Variants in GRIN2B observed in about 807,000 individuals in gnomAD.
GRIN2B encodes the protein glutamate ionotropic receptor NMDA type subunit 2B, also known as glutamate receptor ionotropic, NMDA 2B.
Under a neutral mutation model 114.5 loss-of-function variants are expected in GRIN2B, and 5 were observed. That is an observed-to-expected ratio of 0.04 (90% CI 0.02 to 0.09). The LOEUF (loss-of-function observed/expected upper bound fraction) is 0.09. GRIN2B is among the 10% of genes least tolerant of loss of function. The pLI is 1.00. For missense variants in GRIN2B, 1,108 were observed against 1,943.5 expected, an observed-to-expected ratio of 0.57 and a Z score of 8.08; for synonymous variants, 787 against 745.1, an observed-to-expected ratio of 1.06 and a Z score of -0.92.
At chr12:13,624,046 G>A (rs1949545032) in intron 5 of GRIN2B, among the ~76,000 whole-genome samples, 1 of 152,068 alleles carries the variant, frequency 6.6e-6, no homozygotes, top group Non-Finnish European at 1.5e-5. Context: ...CCTCTCCACT[G>A]CCATGATACT....
chr12:13,906,966 G>A (rs148202730), intron 2 of GRIN2B, among the ~76,000 whole-genome samples: 1 of 152,254 alleles, frequency 6.6e-6, no homozygotes, highest in East Asian at 1.9e-4. Context: ...TTAGCCATTA[G>A]TTAAAACTAT....
At chr12:13,640,117 G>T (rs990590256) in intron 5 of GRIN2B, among the ~76,000 whole-genome samples, 6 of 152,138 alleles carry the variant, frequency 3.9e-5, no homozygotes, top group African/African-American at 1.4e-4. Context: ...CAGGCATGGT[G>T]GTACATGATT....
chr12:13,637,688 C>A (rs1949678326), intron 5 of GRIN2B, among the ~76,000 whole-genome samples: 1 of 152,120 alleles, frequency 6.6e-6, no homozygotes. Flanking sequence ...TAATAGTAAG[C>A]AGGACCCTGA....
intron 4 of GRIN2B, among the ~76,000 whole-genome samples, chr12:13,751,820 G>C (rs1379126213): frequency 6.6e-6 from 1 of 152,144 alleles, no homozygotes; most frequent in Non-Finnish European, 1.5e-5. Flanking sequence ...CCTTGGGAAT[G>C]GATGAGAAAG....
chr12:13,646,131 A>G lies in GRIN2B; in HGVS notation c.1126-29474T>C, dbSNP rs549591446. 2.0e-5 allele frequency among the ~76,000 whole-genome samples: 3 copies of G among 152,270 alleles called. No homozygotes were observed. In the South Asian group the frequency reaches 6.2e-4, roughly 32 times the overall value. On this transcript the variant is annotated intron_variant, in intron 5 of 13. Transcript: ENST00000609686. ...CGAAGAGCTGGATACAGCGGCAGAT[A>G]TGAGAGGTAGTGATAGGAAGTTTCT... is the stretch of plus-strand genomic sequence containing the variant.
chr12:13,571,625 T>C (rs565730017), intron 11 of GRIN2B, among the ~76,000 whole-genome samples, 179 bp downstream of exon 11: 2 of 152,348 alleles, frequency 1.3e-5, no homozygotes, highest in South Asian at 4.1e-4. Context: ...ATAGGAATCG[T>C]TGTACACTGG....
At chr12:13,789,038 C>T (rs147594657) in intron 3 of GRIN2B, among the ~76,000 whole-genome samples, 23 of 151,980 alleles carry the variant, frequency 1.5e-4, no homozygotes, top group African/African-American at 2.2e-4. Context: ...ACCTCTGGAG[C>T]TTCTTGCCAA....
chr12:13,926,299 A>T (rs769105923), intron 2 of GRIN2B, among the ~76,000 whole-genome samples: 1 of 152,198 alleles, frequency 6.6e-6, no homozygotes, highest in Non-Finnish European at 1.5e-5. Context: ...CCCGTTCGTC[A>T]CTTCCAGGTT....
chr12:13,539,918 G>A lies in GRIN2B; in HGVS notation c.*22865C>T, dbSNP rs1199543684. On this transcript the variant is annotated 3_prime_UTR_variant, in exon 14 of 14. Coordinates refer to ENST00000609686, the MANE Select transcript of GRIN2B (RefSeq NM_000834.5). ...CAAGGAATTATGGCTACCTTATGAT[G>A]TCACAATGGTATTGTTAAACTAAAA... 6 of 152,136 alleles carry A rather than the reference G, an allele frequency of 3.9e-5. No homozygotes were observed. Among genetic ancestry groups the A allele is most frequent in the Non-Finnish European group, 5.9e-5 (4 of 68,026 alleles). 9.4% of individuals were successfully genotyped at this position (152,136 alleles called of 1,614,324 possible). A position where few individuals can be genotyped will look rare whatever the true frequency, so the allele number is the denominator to read the frequency against.
At chr12:13,941,844 T>G (rs1033002636) in intron 2 of GRIN2B, among the ~76,000 whole-genome samples, 1 of 152,184 alleles carries the variant, frequency 6.6e-6, no homozygotes, top group African/African-American at 2.4e-5. Flanking sequence ...CAGGTGAGAA[T>G]GAAAATGAGG....
intron 10 of GRIN2B, among the ~76,000 whole-genome samples, chr12:13,593,597 A>T (rs1047080809): frequency 6.6e-6 from 1 of 152,242 alleles, no homozygotes; most frequent in African/African-American, 2.4e-5. Context: ...AAAACCCTAG[A>T]AGAAAACCTA....
rs1863694844 is a variant in GRIN2B at position 13,762,364 on chromosome 12, T to C, written c.412-8449A>G. Among the ~76,000 whole-genome samples the C allele has an allele frequency of 5.9e-5, 9 of 152,302 alleles. No homozygotes were observed. The South Asian group carries it at 1.9e-3, about 32-fold the overall frequency. ...ATTGCCTTATCTCATCAAAATCATC[T>C]TATTTAACTTAAGCCGAAAGGACAG... On this transcript the variant is annotated intron_variant, in intron 3 of 13. Transcript: ENST00000609686.
chr12:13,540,426 C>A lies in GRIN2B; in HGVS notation c.*22357G>T, dbSNP rs1948262104. The A allele has an allele frequency of 6.6e-6, 1 of 151,732 alleles. No homozygotes were observed. Among genetic ancestry groups the A allele is most frequent in the South Asian group, 2.1e-4 (1 of 4,804 alleles). The allele number at this position is 151,732 out of a possible 1,614,324, so 9.4% of individuals were successfully genotyped here. On this transcript the variant is annotated 3_prime_UTR_variant, in exon 14 of 14. Transcript: ENST00000609686. ...AATTTTTGTTCCTGCATCATTTGAA[C>A]AAGTCCAAACTGGAAATCTATACAG...
chr12:13,662,512 AG>A (rs1949934419), intron 5 of GRIN2B, among the ~76,000 whole-genome samples: 1 of 152,126 alleles, frequency 6.6e-6, no homozygotes, highest in African/African-American at 2.4e-5. Flanking sequence ...TACCACCTTA[AG>A]CGTATATGGC....
intron 4 of GRIN2B, among the ~76,000 whole-genome samples, chr12:13,689,353 C>T (rs549463736): frequency 1.3e-5 from 2 of 152,334 alleles, no homozygotes; most frequent in South Asian, 4.1e-4. Context: ...GTGCCTGGCA[C>T]ATAGTAGGCA....
At chr12:13,715,740 G>A (rs949165748) in intron 4 of GRIN2B, among the ~76,000 whole-genome samples, 1 of 151,870 alleles carries the variant, frequency 6.6e-6, no homozygotes, top group Non-Finnish European at 1.5e-5. Context: ...TAAGATTACT[G>A]TACATGTGCT....
chr12:13,948,522 TC>T (rs1867409621), intron 2 of GRIN2B, among the ~76,000 whole-genome samples: 1 of 152,110 alleles, frequency 6.6e-6, no homozygotes, highest in Non-Finnish European at 1.5e-5. Flanking sequence ...GCCAGAGTCA[TC>T]CGGTTCTGCT....
rs748196005 is a variant in GRIN2B at position 13,563,708 on chromosome 12, G to A, written c.3530C>T (p.Ser1177Phe). The A allele has an allele frequency of 6.2e-7, 1 of 1,613,554 alleles. No homozygotes were observed. The highest frequency in any genetic ancestry group is 8.5e-7 in the Non-Finnish European group (1 of 1,179,976). ...GTCGCCCGTCCCGTGCTTGATGTGA[G>A]ACCTGTTGGTACAGGGCCCTCCTCC... is the stretch of plus-strand genomic sequence containing the variant. ...VSGGGPCTNRSHIKHGTGDKH... is the reference protein window; with the variant it reads ...VSGGGPCTNRFHIKHGTGDKH... The change falls in exon 14 of 14, where the codon TCT becomes TTT. Residue 1177 changes from serine to phenylalanine, a missense_variant. By Grantham distance (155) the Ser-to-Phe change is radical. Coordinates refer to ENST00000609686, the MANE Select transcript of GRIN2B (RefSeq NM_000834.5).
intron 3 of GRIN2B, among the ~76,000 whole-genome samples, 168 bp from the exon 4 acceptor site, chr12:13,754,083 C>T (rs1027990942): frequency 6.6e-6 from 1 of 152,154 alleles, no homozygotes. Flanking sequence ...ATTTAAATTG[C>T]AGATATTTGT....
Sources: allele counts gnomAD v4.1 joint callset (sites outside exome capture counted in the v4.1 genomes callset), GRCh38; gene constraint gnomAD v4.1.1; transcripts MANE v1.5; gene names NCBI Gene and HGNC (gene_info 2026-07-23, HGNC 2026-07-21).